The following CDH4 variants were observed in gnomAD, a reference collection of about 807,000 sequenced individuals.
CDH4 encodes the protein cadherin-4.
In CDH4, 33 loss-of-function variants were observed where a neutral mutation model predicts 86.0. The ratio of observed to expected loss-of-function variants is 0.38; its 90% confidence interval spans 0.29 to 0.51. The LOEUF (loss-of-function observed/expected upper bound fraction) is 0.51. Among genes scored for constraint, CDH4 ranks in the 20% least tolerant of loss-of-function variants. CDH4 has a pLI of 0.86. For missense variants in CDH4, 1,114 were observed against 1,307.4 expected (o/e 0.85, Z 2.28); for synonymous variants, 555 against 549.4 (o/e 1.01, Z -0.14).
chr20:61,936,733 C>G lies in CDH4; in HGVS notation c.2545-4C>G. The G allele has an allele frequency of 6.4e-7, 1 of 1,556,682 alleles. No individual in the cohort carries two copies. The highest frequency in any genetic ancestry group is 8.7e-7 in the Non-Finnish European group (1 of 1,152,018). ...CACCCTAACTCTGTGTCTGTGACCC[C>G]CAGGGACTCCGCGCTGCTGACAACG... On this transcript the variant is annotated splice_region_variant and splice_polypyrimidine_tract_variant and intron_variant, in intron 15 of 15. Coordinates refer to ENST00000614565, the MANE Select transcript of CDH4 (RefSeq NM_001794.5).
chr20:61,305,855 A>G (rs374792486), intron 2 of CDH4, among the ~76,000 whole-genome samples: 22 of 152,340 alleles, frequency 1.4e-4, no homozygotes, highest in South Asian at 6.2e-4. Context: ...AATATGATCT[A>G]TATCTGTATA....
At chr20:61,862,454 G>A (rs1983372115) in intron 6 of CDH4, among the ~76,000 whole-genome samples, 1 of 152,206 alleles carries the variant, frequency 6.6e-6, no homozygotes, top group Admixed American at 6.5e-5. Flanking sequence ...GTCCTTGATG[G>A]ACAGGTGGGG....
intron 6 of CDH4, among the ~76,000 whole-genome samples, chr20:61,868,261 TC>T: frequency 6.6e-6 from 1 of 152,108 alleles, no homozygotes; most frequent in East Asian, 1.9e-4. Context: ...CCGTCTGTGT[TC>T]CGTGGTACAG....
At chr20:61,735,046 A>G (rs1033140820) in intron 2 of CDH4, among the ~76,000 whole-genome samples, 2 of 152,022 alleles carry the variant, frequency 1.3e-5, no homozygotes, top group East Asian at 1.9e-4. Context: ...CCCCAGGGAC[A>G]GGAAAAACGA....
intron 2 of CDH4, among the ~76,000 whole-genome samples, chr20:61,337,255 T>C (rs1007983604): frequency 1.7e-3 from 2 of 1,148 alleles, no homozygotes; most frequent in African/African-American, 5.3e-3. Context: ...GTGAAGATGA[T>C]GGTGATGGTG....
intron 2 of CDH4, among the ~76,000 whole-genome samples, chr20:61,595,721 T>C (rs1302311337): frequency 1.3e-5 from 2 of 152,192 alleles, no homozygotes; most frequent in Admixed American, 6.5e-5. Flanking sequence ...GGCCCGTCTG[T>C]CTAAGCAGCG....
intron 2 of CDH4, among the ~76,000 whole-genome samples, chr20:61,322,136 A>G (rs1278004055): frequency 6.6e-6 from 1 of 151,826 alleles, no homozygotes; most frequent in African/African-American, 2.4e-5. Flanking sequence ...TGCTTCGGGG[A>G]TGGTTATTTA....
At chr20:61,474,346 T>TG (rs2085523149) in intron 2 of CDH4, among the ~76,000 whole-genome samples, 1 of 145,790 alleles carries the variant, frequency 6.9e-6, no homozygotes, top group Non-Finnish European at 1.5e-5. Context: ...TTTTTTTTTT[T>TG]GTATTTTTAG....
intron 2 of CDH4, among the ~76,000 whole-genome samples, chr20:61,609,810 C>A (rs1192837794): frequency 6.6e-6 from 1 of 152,340 alleles, no homozygotes; most frequent in Non-Finnish European, 1.5e-5. Flanking sequence ...CCACTCACAT[C>A]CTTTGCCATT....
At chr20:61,358,390 C>T (rs1330597916) in intron 2 of CDH4, among the ~76,000 whole-genome samples, 2 of 152,212 alleles carry the variant, frequency 1.3e-5, no homozygotes, top group African/African-American at 4.8e-5. Flanking sequence ...ACGAGGGGCT[C>T]AGGGTCCGGC....
chr20:61,548,794 TGAG>T (rs1016568901), intron 2 of CDH4, among the ~76,000 whole-genome samples: 3 of 152,082 alleles, frequency 2.0e-5, no homozygotes, highest in Admixed American at 6.5e-5. Flanking sequence ...ATGTCACAAA[TGAG>T]GAGTTGGAGA....
intron 11 of CDH4, among the ~76,000 whole-genome samples, chr20:61,926,965 G>A (rs534174431): frequency 7.9e-4 from 114 of 144,202 alleles, no homozygotes; most frequent in African/African-American, 2.6e-3. Context: ...TGAGGGAGCC[G>A]GGGTGCACAG....
intron 2 of CDH4, among the ~76,000 whole-genome samples, chr20:61,290,920 C>T (rs889330293): frequency 4.6e-5 from 7 of 152,164 alleles, no homozygotes; most frequent in Non-Finnish European, 8.8e-5. Context: ...GTCCAAACAC[C>T]GTTATCAAGA....
intron 8 of CDH4, among the ~76,000 whole-genome samples, chr20:61,899,840 A>G (rs892462825): frequency 3.9e-5 from 6 of 152,204 alleles, no homozygotes; most frequent in Admixed American, 2.0e-4. Context: ...CAGCTCAGCC[A>G]GTGCCTGGTT....
chr20:61,852,682 G>A lies in CDH4; in HGVS notation c.733-72G>A, dbSNP rs555442410. The A allele has an allele frequency of 1.7e-4, 261 of 1,517,020 alleles. No homozygotes were observed. The South Asian group carries it at 2.2e-3, about 13-fold the overall frequency. 94.0% of individuals were successfully genotyped at this position (1,517,020 alleles called of 1,614,324 possible). A position where few individuals can be genotyped will look rare whatever the true frequency, so the allele number is the denominator to read the frequency against. ...CATCAGTCTCCTACCCCAGCACCGC[G>A]GGTCCCAGGCCGCTCTCAGCTGAGT... On this transcript the variant is annotated intron_variant, in intron 5 of 15. Coordinates refer to ENST00000614565, the MANE Select transcript of CDH4 (RefSeq NM_001794.5).
At chr20:61,700,096 G>A (rs892869006) in intron 2 of CDH4, among the ~76,000 whole-genome samples, 4 of 152,194 alleles carry the variant, frequency 2.6e-5, no homozygotes, top group South Asian at 2.1e-4. Flanking sequence ...AGGATGTGGT[G>A]GCTTCCCTTC....
At chr20:61,405,004 C>T (rs752222989) in intron 2 of CDH4, among the ~76,000 whole-genome samples, 52 of 152,148 alleles carry the variant, frequency 3.4e-4, no homozygotes, top group Non-Finnish European at 2.2e-4. Flanking sequence ...GAGCTGAGAT[C>T]GCGCCCCCGC....
At chr20:61,933,944 C>T in intron 14 of CDH4, 112 bp from the exon 15 acceptor site, 2 of 1,251,920 alleles carry the variant, frequency 1.6e-6, no homozygotes, top group Non-Finnish European at 2.3e-6. Flanking sequence ...GGAGACCAGG[C>T]CACAGGGCAG....
intron 2 of CDH4, among the ~76,000 whole-genome samples, chr20:61,325,655 G>T (rs2084533057): frequency 6.6e-6 from 1 of 152,016 alleles, no homozygotes; most frequent in African/African-American, 2.4e-5. Flanking sequence ...TGCGACTTGG[G>T]GGGGCCACAG....
Sources: allele counts gnomAD v4.1 joint callset (sites outside exome capture counted in the v4.1 genomes callset), GRCh38; gene constraint gnomAD v4.1.1; transcripts MANE v1.5; gene names NCBI Gene and HGNC (gene_info 2026-07-23, HGNC 2026-07-21).